PDE4D: variants seen among roughly 807,000 people sequenced by gnomAD.
PDE4D encodes phosphodiesterase 4D.
Under a neutral mutation model 87.4 loss-of-function variants are expected in PDE4D, and 24 were observed. That is an observed-to-expected ratio of 0.27 (90% confidence interval 0.20 to 0.39). The LOEUF (loss-of-function observed/expected upper bound fraction) is 0.39, where lower values mean the gene tolerates loss of function less well. Among genes scored for constraint, PDE4D ranks in the 10% least tolerant of loss-of-function variants. PDE4D has a pLI of 1.00. For synonymous variants in PDE4D, 384 were observed against 383.2 expected (o/e 1.00, Z -0.02); for missense variants, 714 against 1,041.0 (o/e 0.69, Z 4.32).
chr5:60,084,252 G>A (rs1288812451), intron 2 of PDE4D, among the ~76,000 whole-genome samples: 2 of 152,144 alleles, frequency 1.3e-5, no homozygotes, highest in African/African-American at 4.8e-5. Flanking sequence ...GGGTGCCAAA[G>A]GGATTTGCTG....
At chr5:59,721,388 G>A (rs1239367867) in intron 1 of PDE4D, among the ~76,000 whole-genome samples, 1 of 152,154 alleles carries the variant, frequency 6.6e-6, no homozygotes, top group East Asian at 1.9e-4. Flanking sequence ...TCAGTACGTA[G>A]CCCTAGTTTT....
At chr5:59,862,009 C>T (rs905946579) in intron 1 of PDE4D, among the ~76,000 whole-genome samples, 9 of 152,172 alleles carry the variant, frequency 5.9e-5, no homozygotes, top group African/African-American at 2.2e-4. Flanking sequence ...GAACAACTTG[C>T]TTGTCCTCCT....
chr5:59,197,826 T>C (rs1305071715), intron 2 of PDE4D, among the ~76,000 whole-genome samples: 1 of 152,188 alleles, frequency 6.6e-6, no homozygotes, highest in Non-Finnish European at 1.5e-5. Context: ...AAAAAAATCC[T>C]ATGAAATAAA....
intron 1 of PDE4D, among the ~76,000 whole-genome samples, chr5:60,388,267 C>T (rs1762330052): frequency 6.6e-6 from 1 of 152,016 alleles, no homozygotes; most frequent in South Asian, 2.1e-4. Flanking sequence ...TGATCTAAAC[C>T]CATCAATGCC....
At chr5:60,245,229 G>A (rs951533198) in intron 1 of PDE4D, among the ~76,000 whole-genome samples, 1 of 151,910 alleles carries the variant, frequency 6.6e-6, no homozygotes, top group East Asian at 1.9e-4. Context: ...AAACTACAAT[G>A]AGATATCATC....
At chr5:60,279,219 TTA>T (rs1313355870) in intron 1 of PDE4D, among the ~76,000 whole-genome samples, 1 of 152,104 alleles carries the variant, frequency 6.6e-6, no homozygotes, top group East Asian at 1.9e-4. Flanking sequence ...GGTGGCCTTG[TTA>T]TCATAGGGCA....
intron 1 of PDE4D, among the ~76,000 whole-genome samples, chr5:60,486,258 G>T (rs1749129608): frequency 6.6e-6 from 1 of 152,114 alleles, no homozygotes; most frequent in Non-Finnish European, 1.5e-5. Flanking sequence ...AGTCAGTTAG[G>T]AATGTATAGC....
At chr5:59,071,190 T>C (rs1764730666) in intron 5 of PDE4D, among the ~76,000 whole-genome samples, 1 of 152,222 alleles carries the variant, frequency 6.6e-6, no homozygotes, top group Non-Finnish European at 1.5e-5. Context: ...TGATGCCCTT[T>C]TGATTTTTGA....
intron 1 of PDE4D, among the ~76,000 whole-genome samples, chr5:60,322,254 A>G (rs1756348744): frequency 6.6e-6 from 1 of 152,116 alleles, no homozygotes; most frequent in African/African-American, 2.4e-5. Flanking sequence ...CTTTGCAGCA[A>G]CATGGTTGAA....
chr5:59,901,923 AACACACACACACAC>A (rs59453461), intron 3 of PDE4D, among the ~76,000 whole-genome samples: 13,595 of 134,266 alleles, frequency 0.1, 757 homozygotes, highest in African/African-American at 0.16. Flanking sequence ...CTTACATGCA[AACACACACACACAC>A]ACACACACAC....
intron 1 of PDE4D, among the ~76,000 whole-genome samples, chr5:59,432,670 A>G (rs1796276028): frequency 6.6e-6 from 1 of 152,136 alleles, no homozygotes. Flanking sequence ...GATTGCATAC[A>G]GTTCCTTGAT....
Position 59,732,102 on chromosome 5 carries a change from T to A in PDE4D, c.455+161066A>T, listed in dbSNP as rs1757440579. Among the ~76,000 whole-genome samples, 2 of 152,170 alleles carry A rather than the reference T, an allele frequency of 1.3e-5. 1 individual carries two copies. The highest frequency in any genetic ancestry group is 4.1e-4 in the South Asian group (2 of 4,834). On this transcript the variant is annotated intron_variant, in intron 1 of 14. Coordinates refer to ENST00000340635, the MANE Select transcript of PDE4D (RefSeq NM_001104631.2). ...GCGCAAACATCATTGCAGTTCCTAATGAAAAAGCAAATAATTCCCATTTGA... is the reference window on the plus strand; with the variant it reads ...GCGCAAACATCATTGCAGTTCCTAAAGAAAAAGCAAATAATTCCCATTTGA...
At chr5:59,271,038 AT>A (rs200298144) in intron 1 of PDE4D, among the ~76,000 whole-genome samples, 12,489 of 148,106 alleles carry the variant, frequency 0.084, 1,356 homozygotes, top group East Asian at 0.5. Context: ...AGAAAAATGG[AT>A]TTTTTTTTTT....
At chr5:60,337,883 A>T (rs912843603) in intron 1 of PDE4D, among the ~76,000 whole-genome samples, 18 of 152,130 alleles carry the variant, frequency 1.2e-4, no homozygotes, top group Admixed American at 3.3e-4. Flanking sequence ...CTACCAAAAA[A>T]CATTCCTCAT....
intron 1 of PDE4D, among the ~76,000 whole-genome samples, chr5:59,256,895 C>T (rs369786731): frequency 1.2e-3 from 179 of 151,988 alleles, no homozygotes; most frequent in African/African-American, 4.2e-3. Flanking sequence ...CGAGTTATAT[C>T]TCAATAAAGT....
intron 1 of PDE4D, among the ~76,000 whole-genome samples, chr5:59,262,061 C>T (rs193043796): frequency 3.9e-5 from 6 of 151,976 alleles, no homozygotes; most frequent in South Asian, 2.1e-4. Context: ...TATAAATGCA[C>T]ACTCCTACCA....
At chr5:59,343,985 T>A (rs1184544621) in intron 1 of PDE4D, among the ~76,000 whole-genome samples, 1 of 152,184 alleles carries the variant, frequency 6.6e-6, no homozygotes, top group Non-Finnish European at 1.5e-5. Flanking sequence ...TGAGACTTCA[T>A]TTATGATAAT....
chr5:60,075,224 G>T (rs934872064), intron 2 of PDE4D, among the ~76,000 whole-genome samples: 4 of 152,180 alleles, frequency 2.6e-5, no homozygotes, highest in African/African-American at 9.7e-5. Context: ...AATTCCCTCA[G>T]CATTTGTTTG....
intron 1 of PDE4D, among the ~76,000 whole-genome samples, chr5:60,263,810 C>T (rs145312906): frequency 1.3e-3 from 204 of 152,076 alleles, no homozygotes; most frequent in African/African-American, 4.7e-3. Context: ...ATAAGGCACC[C>T]TGGAAAGAAA....
Sources: allele counts gnomAD v4.1 joint callset (sites outside exome capture counted in the v4.1 genomes callset), GRCh38; gene constraint gnomAD v4.1.1; transcripts MANE v1.5; gene names NCBI Gene and HGNC (gene_info 2026-07-23, HGNC 2026-07-21).